PRKG2: variants seen among roughly 807,000 people sequenced by gnomAD.
PRKG2 encodes the protein protein kinase cGMP-dependent 2, also known as cGMP-dependent protein kinase 2.
Under a neutral mutation model 97.2 loss-of-function variants are expected in PRKG2, and 33 were observed. The observed-to-expected ratio is 0.34, with a 90% CI of 0.26 to 0.45. The LOEUF (loss-of-function observed/expected upper bound fraction) is 0.45, where lower values mean the gene tolerates loss of function less well. PRKG2 is among the 20% of genes least tolerant of loss of function. The pLI is 1.00. For synonymous variants in PRKG2, 330 were observed against 321.8 expected (o/e 1.03, Z -0.27); for missense variants, 638 against 900.0 (o/e 0.71, Z 3.73).
chr4:81,124,710 G>GACT (rs1745388684), intron 14 of PRKG2, among the ~76,000 whole-genome samples: 1 of 152,172 alleles, frequency 6.6e-6, no homozygotes, highest in East Asian at 1.9e-4. Context: ...GCCTCCAGGT[G>GACT]ACTGCAGCCC....
chr4:81,159,166 A>G (rs1749385997), intron 6 of PRKG2, among the ~76,000 whole-genome samples: 1 of 152,240 alleles, frequency 6.6e-6, no homozygotes, highest in African/African-American at 2.4e-5. Context: ...CATCAGGGTG[A>G]ACAGGCAACC....
chr4:81,093,360 AACACACACAC>A lies in PRKG2; in HGVS notation c.2127-918_2127-909del, dbSNP rs60004845. Among the ~76,000 whole-genome samples the A allele has an allele frequency of 5.8e-3, 671 of 116,380 alleles. 4 individuals are homozygous for A. The highest frequency in any genetic ancestry group is 0.019 in the African/African-American group (624 of 32,744). The allele number at this position is 116,380 out of a possible 152,430, so 76.3% of individuals were successfully genotyped here. A position where few individuals can be genotyped will look rare whatever the true frequency, so the allele number is the denominator to read the frequency against. ...TCTAAAATTGAAACTCTCCCCCACC[AACACACACAC>A]ACACACACACACACACACACACACA... On this transcript the variant is annotated intron_variant, in intron 17 of 18. Coordinates refer to ENST00000264399, the MANE Select transcript of PRKG2 (RefSeq NM_006259.3).
At chr4:81,162,691 T>C (rs529605860) in intron 6 of PRKG2, among the ~76,000 whole-genome samples, 1 of 152,306 alleles carries the variant, frequency 6.6e-6, no homozygotes, top group South Asian at 2.1e-4. Flanking sequence ...AAACCTTGAC[T>C]ATATGCAGTG....
intron 6 of PRKG2, among the ~76,000 whole-genome samples, chr4:81,163,095 C>T (rs1749702058): frequency 6.6e-6 from 1 of 152,116 alleles, no homozygotes; most frequent in Admixed American, 6.6e-5. Context: ...TGGTATTTTT[C>T]TCCACGGATG....
At chr4:81,099,018 C>G (rs1447210195) in intron 17 of PRKG2, among the ~76,000 whole-genome samples, 4 of 152,104 alleles carry the variant, frequency 2.6e-5, no homozygotes, top group African/African-American at 7.2e-5. Context: ...TATGCCTGAA[C>G]CTGAAACAAA....
chr4:81,197,703 G>T (rs1008678531), intron 2 of PRKG2, among the ~76,000 whole-genome samples: 4 of 151,906 alleles, frequency 2.6e-5, no homozygotes, highest in African/African-American at 4.8e-5. Context: ...ACTCAAAATT[G>T]GTAGTATTGG....
chr4:81,185,216 G>A (rs1017458452), intron 2 of PRKG2, among the ~76,000 whole-genome samples: 4 of 152,116 alleles, frequency 2.6e-5, no homozygotes, highest in Non-Finnish European at 5.9e-5. Context: ...AATGTTAAGG[G>A]CAGCCAGAGA....
At chr4:81,157,183 C>A (rs1368300564) in intron 6 of PRKG2, among the ~76,000 whole-genome samples, 2 of 151,216 alleles carry the variant, frequency 1.3e-5, no homozygotes, top group Non-Finnish European at 2.9e-5. Context: ...AGACCACTAG[C>A]AAGATTAATA....
Position 81,204,867 on chromosome 4 carries a change from G to C in PRKG2, c.181C>G (p.Gln61Glu), listed in dbSNP as rs1753550139. The C allele has an allele frequency of 6.2e-7, 1 of 1,614,078 alleles. No homozygotes were observed. Residue 61 changes from glutamine (Q) to glutamate (E), a missense_variant, in exon 2 of 19, where the codon CAG becomes GAG. This residue lies in a region of PRKG2 where 332 missense variants were observed against 421.7 expected (regional missense o/e 0.79). Transcript: ENST00000264399. The stretch of plus-strand genomic sequence containing the variant: ...GTGAGTTCAGCAATGGCCACAGTCT[G>C]CTTCGACAGCTGCTCCCGCAGCTCC... ...LKELREQLSK[Q>E]TVAIAELTEE...
intron 2 of PRKG2, among the ~76,000 whole-genome samples, chr4:81,191,221 G>A (rs1363589102): frequency 6.6e-6 from 1 of 152,076 alleles, no homozygotes; most frequent in Admixed American, 6.6e-5. Context: ...AAGAAAATGT[G>A]GCACATATAC....
intron 2 of PRKG2, among the ~76,000 whole-genome samples, chr4:81,198,096 C>T (rs1753074370): frequency 2.0e-5 from 3 of 152,206 alleles, no homozygotes. Flanking sequence ...AGACCTTTGA[C>T]TACTCAAAAC....
At chr4:81,184,395 G>A (rs1034135286) in intron 2 of PRKG2, among the ~76,000 whole-genome samples, 1 of 152,182 alleles carries the variant, frequency 6.6e-6, no homozygotes, top group Non-Finnish European at 1.5e-5. Flanking sequence ...CAGACCTGCA[G>A]CAGAGGGGCC....
Position 81,088,134 on chromosome 4 carries a change from T to C in PRKG2, c.*1574A>G, listed in dbSNP as rs1364033330. On this transcript the variant is annotated 3_prime_UTR_variant, in exon 19 of 19. Transcript: ENST00000264399. The stretch of plus-strand genomic sequence containing the variant: ...ATGTACAATACATAATCTTTAAAAA[T>C]ACAGCTCCAGGAAACAAAAACTCTT... 1 of 152,102 alleles carries C rather than the reference T, an allele frequency of 6.6e-6. No homozygotes were observed. Among genetic ancestry groups the C allele is most frequent in the East Asian group, 1.9e-4 (1 of 5,198 alleles). The allele number at this position is 152,102 out of a possible 1,614,324, so 9.4% of individuals were successfully genotyped here.
At chr4:81,131,179 G>A (rs910509060) in intron 14 of PRKG2, among the ~76,000 whole-genome samples, 9 of 149,240 alleles carry the variant, frequency 6.0e-5, no homozygotes, top group Admixed American at 1.3e-4. Context: ...TTAGTATCTG[G>A]GGCCGGAATT....
In PRKG2 at chr4:81,142,958, G is replaced by T. The variant is rs375313206; in HGVS notation, c.1254-11C>A. 7 of 1,596,090 alleles carry T rather than the reference G, an allele frequency of 4.4e-6. No homozygotes were observed. Among genetic ancestry groups the T allele is most frequent in the Non-Finnish European group, 5.1e-6 (6 of 1,168,166 alleles). Reference sequence around the variant, plus strand: ...TTAGACATGGACCGCCTGTACAAGAGAAGTGAAACTTTACACACACACACC... The same window carrying T: ...TTAGACATGGACCGCCTGTACAAGATAAGTGAAACTTTACACACACACACC... On this transcript the variant is annotated splice_polypyrimidine_tract_variant and intron_variant, in intron 10 of 18. Coordinates refer to ENST00000264399, the MANE Select transcript of PRKG2 (RefSeq NM_006259.3).
At chr4:81,158,630 G>A (rs1028672490) in intron 6 of PRKG2, among the ~76,000 whole-genome samples, 8 of 151,958 alleles carry the variant, frequency 5.3e-5, no homozygotes, top group East Asian at 3.9e-4. Context: ...AAAAGAGCCC[G>A]CATCACCAAG....
chr4:81,130,552 C>G (rs1226995491), intron 14 of PRKG2, among the ~76,000 whole-genome samples: 1 of 152,116 alleles, frequency 6.6e-6, no homozygotes, highest in African/African-American at 2.4e-5. Context: ...TCAGAGCTGG[C>G]AGGCAGGAAT....
chr4:81,148,369 AT>A (rs1200521735), intron 9 of PRKG2, among the ~76,000 whole-genome samples: 2 of 152,152 alleles, frequency 1.3e-5, no homozygotes, highest in Non-Finnish European at 2.9e-5. Flanking sequence ...AATGAGACTT[AT>A]TTTGAAGAAT....
At chr4:81,123,975 A>G (rs1001582532) in intron 14 of PRKG2, among the ~76,000 whole-genome samples, 5 of 152,016 alleles carry the variant, frequency 3.3e-5, no homozygotes, top group Non-Finnish European at 5.9e-5. Flanking sequence ...AATATTATCT[A>G]TTGGAATAAT....
Sources: allele counts gnomAD v4.1 joint callset (sites outside exome capture counted in the v4.1 genomes callset), GRCh38; gene constraint gnomAD v4.1.1; regional missense constraint gnomAD v4.1.1; transcripts MANE v1.5; gene names NCBI Gene and HGNC (gene_info 2026-07-23, HGNC 2026-07-21).